ZNF132: variants seen among roughly 807,000 people sequenced by gnomAD.
ZNF132 encodes zinc finger protein 132 (clone pHZ-12).
Under a neutral mutation model 9.3 loss-of-function variants are expected in ZNF132, and 6 were observed. That is an observed-to-expected ratio of 0.65 (90% CI 0.35 to 1.28). The LOEUF (loss-of-function observed/expected upper bound fraction) is 1.28. Among genes scored for constraint, ZNF132 ranks in the 50% most tolerant of loss-of-function variants. ZNF132 has a pLI of 0.03. For synonymous variants in ZNF132, 296 were observed against 292.0 expected (o/e 1.01, Z -0.14); for missense variants, 877 against 843.2 (o/e 1.04, Z -0.50).
At position 58,433,940 on chromosome 19, in the gene ZNF132, G is replaced by C. The variant is rs751945971; in HGVS notation, c.1504C>G (p.Leu502Val). The C allele has an allele frequency of 6.2e-7, 1 of 1,614,008 alleles. No individual in the cohort carries two copies. The highest frequency in any genetic ancestry group is 8.5e-7 in the Non-Finnish European group (1 of 1,180,048). ...CGKAFSNSST[L>V]IQHQKVHTGQ... ...GTATGTACTTTCTGGTGCTGGATGA[G>C]GGTGGAGCTATTACTGAAGGCTTTA... The change falls in exon 3 of 3, where the codon CTC (leucine) becomes GTC (valine). Residue 502 changes from leucine (L) to valine (V), a missense_variant. Physicochemically the swap from Leu to Val is conservative, Grantham distance 32 (BLOSUM62 1). Coordinates refer to ENST00000254166, the MANE Select transcript of ZNF132 (RefSeq NM_003433.4).
At position 58,432,997 on chromosome 19, in the gene ZNF132, G is replaced by A; in HGVS notation, c.*326C>T. On this transcript the variant is annotated 3_prime_UTR_variant, in exon 3 of 3. Coordinates refer to ENST00000254166, the MANE Select transcript of ZNF132 (RefSeq NM_003433.4). ...GATTTCCCTCAAGGCCCCTCAACCA[G>A]CATCGGTTCAGCTGAGCACAGTCCT... 9.7e-6 allele frequency: 2 copies of A among 207,168 alleles called. No homozygotes were observed. The highest frequency in any genetic ancestry group is 1.1e-4 in the South Asian group (1 of 9,338). 12.8% of individuals were successfully genotyped at this position (207,168 alleles called of 1,614,324 possible).
At chr19:58,435,382 G>T in intron 2 of ZNF132, 171 bp from the exon 3 acceptor site, 1 of 729,392 alleles carries the variant, frequency 1.4e-6, no homozygotes, top group Non-Finnish European at 2.2e-6. Flanking sequence ...TGGCAGGATA[G>T]GGACCAGCCA....
Position 58,434,524 on chromosome 19 carries a change from C to T in ZNF132, c.920G>A (p.Arg307Lys), listed in dbSNP as rs750522843. The T allele has an allele frequency of 3.1e-6, 5 of 1,614,034 alleles. No individual in the cohort carries two copies. The African/African-American group carries it at 5.3e-5, about 17-fold the overall frequency. The change falls in exon 3 of 3, where the codon AGG becomes AAG. Residue 307 changes from arginine to lysine, a missense_variant. Transcript: ENST00000254166. ...GKAFSHSSKL[R>K]KHQKFHTEVK... is the part of the protein sequence containing the mutation. Reference sequence around the variant, plus strand: ...TTCAGTGTGAAATTTCTGGTGCTTCCTCAGCTTAGATGAGTGACTAAAGGC... The same window carrying T: ...TTCAGTGTGAAATTTCTGGTGCTTCTTCAGCTTAGATGAGTGACTAAAGGC...
chr19:58,433,837 A>G lies in ZNF132; in HGVS notation c.1607T>C (p.Ile536Thr), dbSNP rs903016324. Residue 536 changes from isoleucine to threonine, a missense_variant, in exon 3 of 3, where the codon ATT becomes ACT. Physicochemically the swap from Ile to Thr is moderately conservative, Grantham distance 89. Coordinates refer to ENST00000254166, the MANE Select transcript of ZNF132 (RefSeq NM_003433.4). ...RSSSLIQHWR[I>T]HTGEKPYECS... ...CTCGTAAGGCTTTTCTCCAGTGTGA[A>G]TTCTCCAGTGCTGAATCAGGCTGGA... 3 of 1,614,222 alleles carry G rather than the reference A, an allele frequency of 1.9e-6. No individual in the cohort carries two copies. The highest frequency in any genetic ancestry group is 1.7e-6 in the Non-Finnish European group (2 of 1,180,036).
At position 58,435,096 on chromosome 19, in the gene ZNF132, A is replaced by G. The variant is rs2052766018; in HGVS notation, c.348T>C (p.Cys116=). 1.7e-5 allele frequency: 28 copies of G among 1,614,046 alleles called. No individual in the cohort carries two copies. The highest frequency in any genetic ancestry group is 2.3e-5 in the Non-Finnish European group (27 of 1,180,000). Residue 116 remains cysteine, a synonymous_variant, in exon 3 of 3, where the codon TGT becomes TGC. Transcript: ENST00000254166. ...ADPSTKKANS[C]DMCGPFLKDI... ...CTTTCAAGAATGGCCCACACATGTC[A>G]CAGGAGTTAGCTTTCTTGGTGGAAG...
rs1207096222 is a variant in ZNF132 at position 58,437,694 on chromosome 19, C to G, written c.64-479G>C. 25 of 984,844 alleles carry G rather than the reference C, an allele frequency of 2.5e-5. No individual in the cohort carries two copies. In the Admixed American group the frequency reaches 1.5e-3, roughly 58 times the overall value. The allele number at this position is 984,844 out of a possible 1,614,324, so 61.0% of individuals were successfully genotyped here. On this transcript the variant is annotated intron_variant, in intron 1 of 2. Coordinates refer to ENST00000254166, the MANE Select transcript of ZNF132 (RefSeq NM_003433.4). ...CCTCCCTGTTCACACTGTAGGCATT[C>G]TCCCTAGCATCTCACCATGCACATG... is the stretch of plus-strand genomic sequence containing the variant.
rs769038063 is a variant in ZNF132 at position 58,437,106 on chromosome 19, G to A, written c.173C>T (p.Ala58Val). Residue 58 changes from alanine to valine, a missense_variant, in exon 2 of 3, where the codon GCC (alanine) becomes GTC (valine). Coordinates refer to ENST00000254166, the MANE Select transcript of ZNF132 (RefSeq NM_003433.4). ...SQEEWELLDAAQRHLYHSVML... is the reference protein window; with the variant it reads ...SQEEWELLDAVQRHLYHSVML... ...CACACTGTGGTACAGGTGCCTCTGG[G>A]CTGCATCAAGGAGCTCCCACTCCTC... 1 of 1,614,110 alleles carries A rather than the reference G, an allele frequency of 6.2e-7. No individual in the cohort carries two copies. Among genetic ancestry groups the A allele is most frequent in the Non-Finnish European group, 8.5e-7 (1 of 1,180,024 alleles).
rs185697504 is a variant in ZNF132, at chr19:58,439,299, C to T, written c.63+460G>A. Reference sequence around the variant, plus strand: ...TGCTGCCCACTAGGCATCCATAGGGCGTCTGTTAAGACTGGAGTCAGAGCA... The same window carrying T: ...TGCTGCCCACTAGGCATCCATAGGGTGTCTGTTAAGACTGGAGTCAGAGCA... On this transcript the variant is annotated intron_variant, in intron 1 of 2. Transcript: ENST00000254166. Among the ~76,000 whole-genome samples, 7 of 152,310 alleles carry T rather than the reference C, an allele frequency of 4.6e-5. No homozygotes were observed. In the East Asian group the frequency reaches 7.7e-4, roughly 17 times the overall value.
Position 58,439,905 on chromosome 19 carries a change from C to T in ZNF132, c.-84G>A, listed in dbSNP as rs1180719132. On this transcript the variant is annotated 5_prime_UTR_variant, in exon 1 of 3. Transcript: ENST00000254166. ...GACGGTCGCACTCAGGACCTGTCTT[C>T]CCAAATGCAAAATGCGCGCAAGGCC... 5.6e-6 allele frequency: 8 copies of T among 1,427,370 alleles called. No individual in the cohort carries two copies. The highest frequency in any genetic ancestry group is 6.6e-6 in the Non-Finnish European group (7 of 1,059,230). 88.4% of individuals were successfully genotyped at this position (1,427,370 alleles called of 1,614,324 possible). A position where few individuals can be genotyped will look rare whatever the true frequency, so the allele number is the denominator to read the frequency against.
chr19:58,435,370 A>G, intron 2 of ZNF132, 159 bp from the exon 3 acceptor site: 1 of 797,836 alleles, frequency 1.3e-6, no homozygotes, highest in Non-Finnish European at 1.9e-6. Context: ...GCCCATTACT[A>G]TTGGCAGGAT....
chr19:58,436,228 T>G (rs192114995), intron 2 of ZNF132: 3 of 154,408 alleles, frequency 1.9e-5, no homozygotes, highest in African/African-American at 7.2e-5. Context: ...TAATAGGACC[T>G]ACAGTTTCTC....
Position 58,439,756 on chromosome 19 carries a change from T to TA in ZNF132, c.63+2dup, listed in dbSNP as rs751118022. On this transcript the variant is annotated splice_region_variant and intron_variant, in intron 1 of 2. Transcript: ENST00000254166. ...GTGAGGGCCTGGGGCACACTCCACT[T>TA]ACCTGCGCCGGGCCCATCAGCAACG... The TA allele has an allele frequency of 1.3e-6, 2 of 1,535,258 alleles. No individual in the cohort carries two copies. The highest frequency in any genetic ancestry group is 2.4e-5 in the South Asian group (2 of 82,002).
intron 1 of ZNF132, among the ~76,000 whole-genome samples, chr19:58,438,310 C>T (rs978575982): frequency 2.6e-5 from 4 of 152,118 alleles, no homozygotes; most frequent in Non-Finnish European, 5.9e-5. Context: ...CCAGCCTAAA[C>T]CCGACATAAT....
Position 58,434,464 on chromosome 19 carries a change from G to C in ZNF132, c.980C>G (p.Thr327Ser), listed in dbSNP as rs2052761131. 6.2e-7 allele frequency: 1 copy of C among 1,614,176 alleles called. No individual in the cohort carries two copies. ...AACAAATGTGAGTTTGTGGTTGAAG[G>C]TTTTCCCACATGCAATGCACTCATA... ...KYYECIACGK[T>S]FNHKLTFVHH... Residue 327 changes from threonine to serine, a missense_variant, in exon 3 of 3, where the codon ACC becomes AGC. Physicochemically the swap from Thr to Ser is moderately conservative, Grantham distance 58 (BLOSUM62 1). Coordinates refer to ENST00000254166, the MANE Select transcript of ZNF132 (RefSeq NM_003433.4).
intron 1 of ZNF132, among the ~76,000 whole-genome samples, 161 bp downstream of exon 1, chr19:58,439,598 G>T (rs76013639): frequency 0.025 from 3,808 of 152,348 alleles, 160 homozygotes; most frequent in African/African-American, 0.084. Flanking sequence ...CTGGATTCAG[G>T]ATGGTAAGGG....
Position 58,439,878 on chromosome 19 carries a change from G to T in ZNF132, c.-57C>A. Reference sequence around the variant, plus strand: ...GGCCGAACCCTCACACTTCCGCTGGGTGACGGTCGCACTCAGGACCTGTCT... The same window carrying T: ...GGCCGAACCCTCACACTTCCGCTGGTTGACGGTCGCACTCAGGACCTGTCT... On this transcript the variant is annotated 5_prime_UTR_variant, in exon 1 of 3. Transcript: ENST00000254166. The T allele has an allele frequency of 6.6e-7, 1 of 1,517,724 alleles. No individual in the cohort carries two copies. The highest frequency in any genetic ancestry group is 1.4e-5 in the African/African-American group (1 of 71,250). The allele number at this position is 1,517,724 out of a possible 1,614,324, so 94.0% of individuals were successfully genotyped here.
rs746349878 is a variant in ZNF132 at position 58,437,216 on chromosome 19, C to A, written c.64-1G>T. On this transcript the variant is annotated splice_acceptor_variant, in intron 1 of 2. Transcript: ENST00000254166. LOFTEE classifies it high-confidence loss of function. The stretch of plus-strand genomic sequence containing the variant: ...CTGAGCCACAGGGCCAAGAAGTATG[C>A]TGACAAAGAAACAAACAATTGGTCA... 2 of 1,584,428 alleles carry A rather than the reference C, an allele frequency of 1.3e-6. No individual in the cohort carries two copies. Among genetic ancestry groups the A allele is most frequent in the Admixed American group, 3.7e-5 (2 of 54,294 alleles).
At position 58,434,615 on chromosome 19, in the gene ZNF132, A is replaced by G. The variant is rs1382674688; in HGVS notation, c.829T>C (p.Ser277Pro). ...PTGGNFLEEK[S>P]ILGNKKFHTG... ...TGAAACTTTTTATTACCAAGGATTG[A>G]TTTCTCCTCTAAGAAATTTCCACCT... Residue 277 changes from serine to proline, a missense_variant, in exon 3 of 3, where the codon TCA (serine) becomes CCA (proline). Transcript: ENST00000254166. The G allele has an allele frequency of 1.2e-6, 2 of 1,614,054 alleles. No individual in the cohort carries two copies. The highest frequency in any genetic ancestry group is 1.7e-6 in the Non-Finnish European group (2 of 1,180,052).
At chr19:58,438,472 A>ATT (rs35691687) in intron 1 of ZNF132, among the ~76,000 whole-genome samples, 3,801 of 129,794 alleles carry the variant, frequency 0.029, 265 homozygotes, top group African/African-American at 0.1. Context: ...TCTAAGGTCA[A>ATT]TTTTTTTTTT....
Sources: allele counts gnomAD v4.1 joint callset (sites outside exome capture counted in the v4.1 genomes callset), GRCh38; gene constraint gnomAD v4.1.1; transcripts MANE v1.5; gene names NCBI Gene and HGNC (gene_info 2026-07-23, HGNC 2026-07-21).